The following CAMP variants were observed in gnomAD, a reference collection of about 807,000 sequenced individuals.
CAMP encodes the protein 18 kDa cationic antimicrobial protein.
Under a neutral mutation model 12.7 loss-of-function variants are expected in CAMP, and 10 were observed. The observed-to-expected ratio is 0.79, with a 90% CI of 0.49 to 1.34. The LOEUF (loss-of-function observed/expected upper bound fraction) is 1.34. Ranked by LOEUF, CAMP falls within the 40% of genes most tolerant of loss-of-function variation. CAMP has a pLI of 0.00. For synonymous variants in CAMP, 87 were observed against 85.2 expected (o/e 1.02, Z -0.12); for missense variants, 205 against 213.0 (o/e 0.96, Z 0.23).
rs539546499 is a variant in CAMP at position 48,224,330 on chromosome 3, C to T, written c.202-24C>T. ...CAAATCAGAAAATACAAGAATGGGC[C>T]TCCCCATTTCCTCCTCTGACTAGGA... On this transcript the variant is annotated intron_variant, in intron 1 of 3. Coordinates refer to ENST00000652295, the MANE Select transcript of CAMP (RefSeq NM_004345.5). The T allele has an allele frequency of 2.7e-6, 4 of 1,474,788 alleles. No individual in the cohort carries two copies. The South Asian group carries it at 3.4e-5, about 13-fold the overall frequency. The allele number at this position is 1,474,788 out of a possible 1,614,324, so 91.4% of individuals were successfully genotyped here.
In CAMP at chr3:48,224,649, G is replaced by T; in HGVS notation, c.356G>T (p.Gly119Val). The change falls in exon 3 of 4, where the codon GGC becomes GTC. Residue 119 changes from glycine (G) to valine (V), a missense_variant. Coordinates refer to ENST00000652295, the MANE Select transcript of CAMP (RefSeq NM_004345.5). Reference sequence around the variant, plus strand: ...ACAGTGACCCTCAACCAGGCCAGGGGCTCCTTTGACATCAGTTGTGATAAG... The same window carrying T: ...ACAGTGACCCTCAACCAGGCCAGGGTCTCCTTTGACATCAGTTGTGATAAG... Reference protein sequence around the residue: ...MGTVTLNQARGSFDISCDKDN... With the variant: ...MGTVTLNQARVSFDISCDKDN... The T allele has an allele frequency of 6.2e-7, 1 of 1,613,724 alleles. No individual in the cohort carries two copies. The highest frequency in any genetic ancestry group is 8.5e-7 in the Non-Finnish European group (1 of 1,179,694).
intron 3 of CAMP, 40 bp downstream of exon 3, chr3:48,224,714 A>G: frequency 6.9e-7 from 1 of 1,443,264 alleles, no homozygotes; most frequent in Admixed American, 1.7e-5. Context: ...TGATGGGGGC[A>G]TAGAGTGTGG....
chr3:48,224,130 G>A (rs533255106), intron 1 of CAMP, among the ~76,000 whole-genome samples: 2 of 152,204 alleles, frequency 1.3e-5, no homozygotes, highest in South Asian at 2.1e-4. Context: ...CAGAGTGGGA[G>A]GGGCTCCTTG....
chr3:48,225,330 G>T lies in CAMP; in HGVS notation c.419G>T (p.Arg140Leu). 1 of 1,613,238 alleles carries T rather than the reference G, an allele frequency of 6.2e-7. No homozygotes were observed. The highest frequency in any genetic ancestry group is 1.1e-5 in the South Asian group (1 of 91,032). Residue 140 changes from arginine to leucine, a missense_variant, in exon 4 of 4, where the codon CGG (arginine) becomes CTG (leucine). By Grantham distance (102) the Arg-to-Leu change is moderately radical (BLOSUM62 -2). Coordinates refer to ENST00000652295, the MANE Select transcript of CAMP (RefSeq NM_004345.5). ...TTTGCCCTGCTGGGTGATTTCTTCC[G>T]GAAATCTAAAGAGAAGATTGGCAAA... ...KRFALLGDFF[R>L]KSKEKIGKEF...
Position 48,223,721 on chromosome 3 carries a change from TG to T in CAMP, c.201+14del, listed in dbSNP as rs746841655. ...ACCCCAGGCCCACGATGGTGAGCTTTGGGGGACATTCTGCTCTGCTCTGGCT... is the reference window on the plus strand; with the variant it reads ...ACCCCAGGCCCACGATGGTGAGCTTTGGGGACATTCTGCTCTGCTCTGGCT... On this transcript the variant is annotated intron_variant, in intron 1 of 3. Transcript: ENST00000652295. 6.2e-7 allele frequency: 1 copy of T among 1,610,658 alleles called. No homozygotes were observed. The highest frequency in any genetic ancestry group is 1.1e-5 in the South Asian group (1 of 90,840).
intron 1 of CAMP, 87 bp from the exon 2 acceptor site, chr3:48,224,267 G>A (rs1228882372): frequency 4.6e-6 from 4 of 878,402 alleles, no homozygotes; most frequent in Non-Finnish European, 7.5e-6. Flanking sequence ...ATCAGGTACT[G>A]TGGAAAGCCT....
intron 1 of CAMP, among the ~76,000 whole-genome samples, chr3:48,223,988 A>G (rs1244696533): frequency 1.3e-5 from 2 of 152,128 alleles, no homozygotes; most frequent in Admixed American, 1.3e-4. Context: ...GGCTCTGGGC[A>G]GTGACCTCCT....
At position 48,224,459 on chromosome 3, in the gene CAMP, G is replaced by C. The variant is rs758490185; in HGVS notation, c.307G>C (p.Gly103Arg). The C allele has an allele frequency of 3.7e-6, 6 of 1,608,696 alleles. No individual in the cohort carries two copies. Among genetic ancestry groups the C allele is most frequent in the Admixed American group, 3.3e-5 (2 of 59,980 alleles). The change falls in exon 2 of 4, where the codon GGG (glycine) becomes CGG (arginine). Residue 103 changes from glycine to arginine, a missense_variant and splice_region_variant. Coordinates refer to ENST00000652295, the MANE Select transcript of CAMP (RefSeq NM_004345.5). ...SPEDCDFKKD[G>R]LVKRCMGTVT... Reference sequence around the variant, plus strand: ...AGAGGATTGTGACTTCAAGAAGGACGGGGTGAGGCTGGGGGCTGGGGGTGT... The same window carrying C: ...AGAGGATTGTGACTTCAAGAAGGACCGGGTGAGGCTGGGGGCTGGGGGTGT...
Position 48,224,123 on chromosome 3 carries a change from A to T in CAMP, c.202-231A>T, listed in dbSNP as rs141267465. ...CTGACTTCCCTTGCCCCCACCCCAG[A>T]GTGGGAGGGGCTCCTTGTTAGAGCT... is the stretch of plus-strand genomic sequence containing the variant. On this transcript the variant is annotated intron_variant, in intron 1 of 3. Coordinates refer to ENST00000652295, the MANE Select transcript of CAMP (RefSeq NM_004345.5). Among the ~76,000 whole-genome samples the T allele has an allele frequency of 2.7e-3, 410 of 152,008 alleles. 2 individuals carry two copies. The highest frequency in any genetic ancestry group is 9.1e-3 in the African/African-American group (378 of 41,452).
chr3:48,223,597 T>C lies in CAMP; in HGVS notation c.86T>C (p.Ile29Thr), dbSNP rs906034788. 7 of 1,613,936 alleles carry C rather than the reference T, an allele frequency of 4.3e-6. No individual in the cohort carries two copies. The South Asian group carries it at 4.4e-5, about 10-fold the overall frequency. The change falls in exon 1 of 4, where the codon ATT (isoleucine) becomes ACT (threonine). Residue 29 changes from isoleucine (I) to threonine (T), a missense_variant. Transcript: ENST00000652295. ...LLGLVMPLAI[I>T]AQVLSYKEAV... ...GGCCTGGTGATGCCTCTGGCCATCA[T>C]TGCCCAGGTCCTCAGCTACAAGGAA...
rs572442390 is a variant in CAMP at position 48,225,286 on chromosome 3, A to G, written c.382-7A>G. The G allele has an allele frequency of 1.2e-6, 2 of 1,612,854 alleles. No homozygotes were observed. The highest frequency in any genetic ancestry group is 2.2e-5 in the South Asian group (2 of 90,992). ...AGGAACCTGTTTCTTCCTGTACACA[A>G]CCCCAGGATAACAAGAGATTTGCCC... is the stretch of plus-strand genomic sequence containing the variant. On this transcript the variant is annotated splice_region_variant and splice_polypyrimidine_tract_variant and intron_variant, in intron 3 of 3. Coordinates refer to ENST00000652295, the MANE Select transcript of CAMP (RefSeq NM_004345.5).
chr3:48,224,460 G>A lies in CAMP; in HGVS notation c.308G>A (p.Gly103Glu). The change falls in exon 2 of 4, where the codon GGG becomes GAG. Residue 103 changes from glycine to glutamate, a missense_variant and splice_region_variant. By Grantham distance (98) the Gly-to-Glu change is moderately conservative. Transcript: ENST00000652295. ...GAGGATTGTGACTTCAAGAAGGACG[G>A]GGTGAGGCTGGGGGCTGGGGGTGTT... Reference protein sequence around the residue: ...SPEDCDFKKDGLVKRCMGTVT... With the variant: ...SPEDCDFKKDELVKRCMGTVT... 2 of 1,607,340 alleles carry A rather than the reference G, an allele frequency of 1.2e-6. No individual in the cohort carries two copies. Among genetic ancestry groups the A allele is most frequent in the Non-Finnish European group, 1.7e-6 (2 of 1,173,774 alleles).
chr3:48,223,826 C>A, intron 1 of CAMP, 114 bp downstream of exon 1: 1 of 776,264 alleles, frequency 1.3e-6, no homozygotes, highest in South Asian at 1.7e-5. Flanking sequence ...AATGTGGTCC[C>A]GTGTTTTCCA....
In CAMP at chr3:48,225,367, A is replaced by G. The variant is rs1191479403; in HGVS notation, c.456A>G (p.Arg152=). 6.2e-7 allele frequency: 1 copy of G among 1,613,644 alleles called. No homozygotes were observed. Among genetic ancestry groups the G allele is most frequent in the African/African-American group, 1.3e-5 (1 of 74,896 alleles). The change falls in exon 4 of 4, where the codon AGA becomes AGG. Residue 152 remains arginine (R), a synonymous_variant. Coordinates refer to ENST00000652295, the MANE Select transcript of CAMP (RefSeq NM_004345.5). ...AGAAGATTGGCAAAGAGTTTAAAAG[A>G]ATTGTCCAGAGAATCAAGGATTTTT... ...SKEKIGKEFK[R]IVQRIKDFLR... is the part of the protein sequence containing the mutation.
chr3:48,224,780 C>G, intron 3 of CAMP, 106 bp downstream of exon 3: 1 of 861,346 alleles, frequency 1.2e-6, no homozygotes, highest in East Asian at 2.4e-5. Context: ...AAAGCCCCTC[C>G]TACCCAGGGC....
At chr3:48,224,785 C>T (rs1237213772) in intron 3 of CAMP, 111 bp downstream of exon 3, 16 of 838,294 alleles carry the variant, frequency 1.9e-5, no homozygotes. Flanking sequence ...CCCTCCTACC[C>T]AGGGCTCTTC....
chr3:48,224,732 A>G (rs976500533), intron 3 of CAMP, 58 bp downstream of exon 3: 273 of 1,262,366 alleles, frequency 2.2e-4, no homozygotes, highest in Non-Finnish European at 2.9e-4. Flanking sequence ...TGGACCATCC[A>G]ATGGGTCAAT....
chr3:48,225,192 CG>C (rs967763572), intron 3 of CAMP, 100 bp from the exon 4 acceptor site: 137 of 1,201,534 alleles, frequency 1.1e-4, no homozygotes, highest in Non-Finnish European at 1.6e-4. Context: ...AAAGCTCCTG[CG>C]GGGGCCCACG....
At position 48,224,464 on chromosome 3, in the gene CAMP, G is replaced by A. The variant is rs1297837481; in HGVS notation, c.309+3G>A. ...ATTGTGACTTCAAGAAGGACGGGGT[G>A]AGGCTGGGGGCTGGGGGTGTTGGTG... On this transcript the variant is annotated splice_donor_region_variant and intron_variant, in intron 2 of 3. Coordinates refer to ENST00000652295, the MANE Select transcript of CAMP (RefSeq NM_004345.5). 1 of 1,606,220 alleles carries A rather than the reference G, an allele frequency of 6.2e-7. No individual in the cohort carries two copies. Among genetic ancestry groups the A allele is most frequent in the Admixed American group, 1.7e-5 (1 of 60,006 alleles).
Sources: allele counts gnomAD v4.1 joint callset (sites outside exome capture counted in the v4.1 genomes callset), GRCh38; gene constraint gnomAD v4.1.1; transcripts MANE v1.5; gene names NCBI Gene and HGNC (gene_info 2026-07-23, HGNC 2026-07-21).